Variants in FAF1 observed in about 807,000 individuals in gnomAD.
FAF1 encodes the protein FAS-associated factor 1.
A neutral mutation model predicts 92.5 loss-of-function variants in FAF1; 25 were observed. The ratio of observed to expected loss-of-function variants is 0.27; its 90% confidence interval spans 0.20 to 0.38. The LOEUF (loss-of-function observed/expected upper bound fraction) is 0.38. Among genes scored for constraint, FAF1 ranks in the 10% least tolerant of loss-of-function variants. The pLI is 1.00. For synonymous variants in FAF1, 234 were observed against 273.2 expected, an observed-to-expected ratio of 0.86 and a Z score of 1.42; for missense variants, 636 against 793.3, an observed-to-expected ratio of 0.80 and a Z score of 2.38.
chr1:50,740,966 T>A (rs1659364328), intron 5 of FAF1, among the ~76,000 whole-genome samples: 1 of 152,230 alleles, frequency 6.6e-6, no homozygotes, highest in Non-Finnish European at 1.5e-5. Flanking sequence ...GATTTTCTAT[T>A]AAATTTTCCC....
chr1:50,568,236 A>C (rs1650259038), intron 12 of FAF1, among the ~76,000 whole-genome samples: 1 of 152,106 alleles, frequency 6.6e-6, no homozygotes, highest in African/African-American at 2.4e-5. Flanking sequence ...ACAACATACA[A>C]ACCAATCTTT....
chr1:50,588,915 AGATGGG>A (rs1163234936), intron 9 of FAF1, among the ~76,000 whole-genome samples: 1 of 152,190 alleles, frequency 6.6e-6, no homozygotes, highest in East Asian at 1.9e-4. Context: ...CAGAAACAGG[AGATGGG>A]CAAGACTGTA....
chr1:50,917,647 A>C (rs1448320964), intron 1 of FAF1, among the ~76,000 whole-genome samples: 1 of 132,844 alleles, frequency 7.5e-6, no homozygotes, highest in Non-Finnish European at 1.6e-5. Flanking sequence ...AGGAAAGGAA[A>C]GGAAAGGAAA....
At chr1:50,640,829 ATTTTTTTTTTTT>A (rs71059592) in intron 8 of FAF1, among the ~76,000 whole-genome samples, 2 of 88,516 alleles carry the variant, frequency 2.3e-5, no homozygotes, top group African/African-American at 9.5e-5. Flanking sequence ...TTATCAGCTG[ATTTTTTTTTTTT>A]TTTTTTTTTT....
At chr1:50,469,947 T>A (rs983214841) in intron 18 of FAF1, among the ~76,000 whole-genome samples, 1 of 152,220 alleles carries the variant, frequency 6.6e-6, no homozygotes, top group South Asian at 2.1e-4. Flanking sequence ...TGGAACAAGC[T>A]CAGCAGTAGT....
intron 1 of FAF1, among the ~76,000 whole-genome samples, chr1:50,888,512 T>C (rs1030277426): frequency 6.6e-6 from 1 of 152,204 alleles, no homozygotes; most frequent in African/African-American, 2.4e-5. Context: ...GGCTGTGGGT[T>C]TGTCATAAAC....
rs1657423929 is a variant in FAF1, at chr1:50,700,533, G to A, written c.657+5253C>T. Among the ~76,000 whole-genome samples the A allele has an allele frequency of 2.6e-5, 4 of 152,104 alleles. No homozygotes were observed. In the South Asian group the frequency reaches 8.3e-4, roughly 32 times the overall value. Reference sequence around the variant, plus strand: ...CTGTCAAGTGCATATTGTAAAACAGGATTATTACAGTATTGGTCACCAGTG... The same window carrying A: ...CTGTCAAGTGCATATTGTAAAACAGAATTATTACAGTATTGGTCACCAGTG... On this transcript the variant is annotated intron_variant, in intron 7 of 18. Coordinates refer to ENST00000396153, the MANE Select transcript of FAF1 (RefSeq NM_007051.3).
intron 8 of FAF1, among the ~76,000 whole-genome samples, chr1:50,621,388 T>C (rs1224912162): frequency 6.9e-6 from 1 of 145,280 alleles, no homozygotes; most frequent in African/African-American, 2.7e-5. Context: ...TCTTTCTTTT[T>C]TTCTTTTTTT....
At chr1:50,568,473 T>C (rs1310250660) in intron 12 of FAF1, among the ~76,000 whole-genome samples, 1 of 152,142 alleles carries the variant, frequency 6.6e-6, no homozygotes, top group Admixed American at 6.6e-5. Flanking sequence ...ATCATTAAAA[T>C]TGTTTTCTTC....
intron 1 of FAF1, among the ~76,000 whole-genome samples, chr1:50,900,934 G>T (rs1028909651): frequency 1.3e-5 from 2 of 151,650 alleles, no homozygotes; most frequent in African/African-American, 4.8e-5. Context: ...TTAAAGATTT[G>T]ATCTTGATGT....
chr1:50,655,515 A>G lies in FAF1; in HGVS notation c.671T>C (p.Val224Ala). 1 of 1,609,538 alleles carries G rather than the reference A, an allele frequency of 6.2e-7. No homozygotes were observed. The highest frequency in any genetic ancestry group is 1.1e-5 in the South Asian group (1 of 90,864). ...SSTIQEVKRNVYDLTSIPVRH... is the reference protein window; with the variant it reads ...SSTIQEVKRNAYDLTSIPVRH... Reference sequence around the variant, plus strand: ...AACGGGGATACTTGTAAGGTCATACACATTTCTCTTTACCTATGAAAAGAA... The same window carrying G: ...AACGGGGATACTTGTAAGGTCATACGCATTTCTCTTTACCTATGAAAAGAA... Residue 224 changes from valine (V) to alanine (A), a missense_variant, in exon 8 of 19, where the codon GTG becomes GCG. Physicochemically the swap from Val to Ala is moderately conservative, Grantham distance 64. Transcript: ENST00000396153.
chr1:50,732,612 TTC>T (rs1658973457), intron 6 of FAF1, among the ~76,000 whole-genome samples: 1 of 152,174 alleles, frequency 6.6e-6, no homozygotes, highest in Non-Finnish European at 1.5e-5. Flanking sequence ...TTCCTTTATT[TTC>T]TCTGTCATTT....
intron 13 of FAF1, among the ~76,000 whole-genome samples, chr1:50,565,916 G>C (rs559175409): frequency 1.3e-5 from 2 of 152,200 alleles, no homozygotes; most frequent in East Asian, 3.9e-4. Flanking sequence ...TTTGCCTCAT[G>C]AAAGACCTTC....
chr1:50,729,050 A>ATTT (rs1557497182), intron 6 of FAF1, among the ~76,000 whole-genome samples: 71 of 95,832 alleles, frequency 7.4e-4, no homozygotes, highest in African/African-American at 3.2e-3. Context: ...ATATATATAT[A>ATTT]TATATATATT....
chr1:50,726,727 G>A (rs1658674942), intron 6 of FAF1, among the ~76,000 whole-genome samples: 1 of 152,124 alleles, frequency 6.6e-6, no homozygotes, highest in Non-Finnish European at 1.5e-5. Flanking sequence ...TACTCTGGAG[G>A]CTAAGGCAGG....
intron 8 of FAF1, among the ~76,000 whole-genome samples, chr1:50,618,284 T>C (rs1483407932): frequency 6.6e-6 from 1 of 152,176 alleles, no homozygotes; most frequent in Non-Finnish European, 1.5e-5. Flanking sequence ...TTTAGAGCTA[T>C]AAACTTTCCT....
At chr1:50,848,046 T>C (rs1215300477) in intron 2 of FAF1, among the ~76,000 whole-genome samples, 1 of 152,004 alleles carries the variant, frequency 6.6e-6, no homozygotes. Flanking sequence ...AACAAAAAAC[T>C]GAGAATTTAT....
intron 1 of FAF1, among the ~76,000 whole-genome samples, chr1:50,953,949 CATTTT>C (rs764244467): frequency 0.023 from 3,519 of 150,624 alleles, 139 homozygotes; most frequent in African/African-American, 0.079. Flanking sequence ...AGAAAGAATA[CATTTT>C]TTTTTTTTAT....
intron 4 of FAF1, among the ~76,000 whole-genome samples, chr1:50,745,849 G>A (rs564996222): frequency 2.6e-5 from 4 of 152,230 alleles, no homozygotes; most frequent in African/African-American, 9.6e-5. Flanking sequence ...ATGTGGAAGC[G>A]TCTCTGAAAC....
Sources: allele counts gnomAD v4.1 joint callset (sites outside exome capture counted in the v4.1 genomes callset), GRCh38; gene constraint gnomAD v4.1.1; transcripts MANE v1.5; gene names NCBI Gene and HGNC (gene_info 2026-07-23, HGNC 2026-07-21).